UBE2J2: variants seen among roughly 807,000 people sequenced by gnomAD.
The protein encoded by UBE2J2 is ubiquitin conjugating enzyme E2 J2.
A neutral mutation model predicts 28.6 loss-of-function variants in UBE2J2; 5 were observed. The observed-to-expected ratio is 0.17, with a 90% CI of 0.09 to 0.37. The LOEUF (loss-of-function observed/expected upper bound fraction) is 0.37, where lower values mean the gene tolerates loss of function less well. Ranked by LOEUF, UBE2J2 falls within the 10% of genes least tolerant of loss-of-function variation. The pLI, the probability that UBE2J2 is intolerant of heterozygous loss-of-function variation, is 1.00. For missense variants in UBE2J2, 226 were observed against 338.9 expected, an observed-to-expected ratio of 0.67 and a Z score of 2.62; for synonymous variants, 138 against 139.7, an observed-to-expected ratio of 0.99 and a Z score of 0.09.
rs7524470 is a variant in UBE2J2 at position 1,257,135 on chromosome 1, A to G, written c.276-5T>C. 0.044 allele frequency: 70,866 copies of G among 1,609,598 alleles called. 2,815 individuals are homozygous for G. The highest frequency in any genetic ancestry group is 0.21 in the African/African-American group (15,521 of 74,670). On this transcript the variant is annotated splice_polypyrimidine_tract_variant and splice_region_variant and intron_variant, in intron 4 of 6. Coordinates refer to ENST00000349431, the MANE Select transcript of UBE2J2 (RefSeq NM_058167.3). Reference sequence around the variant, plus strand: ...TCCGTGATAGAAAGACACAGCCTGCAAAACGGGGGCCCCGTCAGTGCACAC... The same window carrying G: ...TCCGTGATAGAAAGACACAGCCTGCGAAACGGGGGCCCCGTCAGTGCACAC...
At chr1:1,262,967 C>A in intron 3 of UBE2J2, 1 of 194,784 alleles carries the variant, frequency 5.1e-6, no homozygotes, top group Non-Finnish European at 1.1e-5. Flanking sequence ...ACCCTGGGGG[C>A]GCCCAGCACA....
At chr1:1,266,528 A>C (rs1166489704) in intron 2 of UBE2J2, among the ~76,000 whole-genome samples, 2 of 151,788 alleles carry the variant, frequency 1.3e-5, no homozygotes, top group Non-Finnish European at 2.9e-5. Flanking sequence ...TCTGTCTCAA[A>C]AAAATAAATA....
chr1:1,270,506 C>T (rs1326329957), intron 1 of UBE2J2, among the ~76,000 whole-genome samples: 2 of 152,186 alleles, frequency 1.3e-5, no homozygotes, highest in Admixed American at 6.5e-5. Flanking sequence ...ACCCCCAACC[C>T]TGCTTCTTGT....
chr1:1,268,737 G>A lies in UBE2J2; in HGVS notation c.1-745C>T, dbSNP rs533556926. Among the ~76,000 whole-genome samples, 4 of 152,190 alleles carry A rather than the reference G, an allele frequency of 2.6e-5. No individual in the cohort carries two copies. The highest frequency in any genetic ancestry group is 2.1e-4 in the South Asian group (1 of 4,836). ...TCGTGAGACAGGGTCTTGCTCTGTC[G>A]CCCAGGCTGGAGTCACTGTGGCCTT... On this transcript the variant is annotated intron_variant, in intron 1 of 6. Transcript: ENST00000349431. This position sits in a 1 kb window ranked among gnomAD's most constrained non-coding sequence, Gnocchi z 4.7.
At chr1:1,267,116 T>C (rs1009224561) in intron 2 of UBE2J2, among the ~76,000 whole-genome samples, 10 of 152,050 alleles carry the variant, frequency 6.6e-5, no homozygotes, top group African/African-American at 2.4e-4. Context: ...CTCGAACTCC[T>C]GACCTCAGGT....
intron 2 of UBE2J2, among the ~76,000 whole-genome samples, chr1:1,265,603 TTG>T (rs57125925): frequency 0.069 from 8,358 of 120,800 alleles, 240 homozygotes; most frequent in African/African-American, 0.094. Flanking sequence ...TTTCTCTCCA[TTG>T]TGTGTGTGTG....
chr1:1,271,878 G>C (rs1640161270), intron 1 of UBE2J2, among the ~76,000 whole-genome samples: 1 of 150,330 alleles, frequency 6.7e-6, no homozygotes, highest in South Asian at 2.1e-4. Flanking sequence ...GGTGACTGAG[G>C]CAGGAGAATC....
chr1:1,260,789 T>C (rs956744327), intron 3 of UBE2J2, among the ~76,000 whole-genome samples: 1 of 152,270 alleles, frequency 6.6e-6, no homozygotes, highest in Non-Finnish European at 1.5e-5. Context: ...CAGACTCCAC[T>C]TCATTCTTTA....
At chr1:1,267,829 C>A (rs1203571624) in intron 2 of UBE2J2, 33 bp downstream of exon 2, 2 of 1,604,646 alleles carry the variant, frequency 1.2e-6, no homozygotes, top group South Asian at 2.2e-5. Context: ...CAGCGACAGT[C>A]AGCGCAGGGC....
intron 2 of UBE2J2, among the ~76,000 whole-genome samples, chr1:1,264,601 G>A (rs1432380772): frequency 6.6e-6 from 1 of 152,124 alleles, no homozygotes; most frequent in Non-Finnish European, 1.5e-5. Context: ...GCGAAACTCC[G>A]TCTCTACTAA....
chr1:1,256,946 C>G lies in UBE2J2; in HGVS notation c.414+46G>C, dbSNP rs760387734. ...AACTCAGGAACAGAGAACAGCCCCC[C>G]AGACACAAGGCTGACGGCCCACCAG... On this transcript the variant is annotated intron_variant, in intron 5 of 6. Transcript: ENST00000349431. 3.5e-6 allele frequency: 5 copies of G among 1,412,574 alleles called. No homozygotes were observed. In the East Asian group the frequency reaches 8.0e-5, roughly 23 times the overall value. The allele number at this position is 1,412,574 out of a possible 1,614,324, so 87.5% of individuals were successfully genotyped here.
At chr1:1,266,149 AGCACTCT>A in intron 2 of UBE2J2, 1 of 1,303,784 alleles carries the variant, frequency 7.7e-7, no homozygotes, top group Non-Finnish European at 1.0e-6. Flanking sequence ...GGGGGCAGAG[AGCACTCT>A]GGTGGCCAAG....
intron 3 of UBE2J2, among the ~76,000 whole-genome samples, chr1:1,261,277 G>A (rs1010543042): frequency 6.6e-6 from 1 of 152,240 alleles, no homozygotes; most frequent in African/African-American, 2.4e-5. Flanking sequence ...GGGAGGGGCA[G>A]TAGGAACACA....
chr1:1,273,084 T>G (rs916772923), intron 1 of UBE2J2: 4 of 152,158 alleles, frequency 2.6e-5, no homozygotes, highest in African/African-American at 9.7e-5. Context: ...CGCCAGGAGG[T>G]GACACCTGGC....
intron 6 of UBE2J2, 99 bp from the exon 7 acceptor site, chr1:1,255,586 C>T (rs1639127159): frequency 1.4e-6 from 2 of 1,400,848 alleles, no homozygotes; most frequent in East Asian, 2.3e-5. Flanking sequence ...CACCAAGAAC[C>T]AAGCCCTAGG....
At chr1:1,264,725 C>CGT in intron 2 of UBE2J2, 1 of 152,172 alleles carries the variant, frequency 6.6e-6, no homozygotes, top group Non-Finnish European at 1.5e-5. Context: ...CTGGGCAACA[C>CGT]GGTGAAACCC....
At chr1:1,267,136 G>A (rs532053337) in intron 2 of UBE2J2, among the ~76,000 whole-genome samples, 13 of 152,140 alleles carry the variant, frequency 8.5e-5, no homozygotes, top group South Asian at 2.1e-4. Flanking sequence ...TGATCCGCCC[G>A]CCTGAGCCTC....
At chr1:1,259,711 C>T (rs935637820) in intron 3 of UBE2J2, among the ~76,000 whole-genome samples, 2 of 152,084 alleles carry the variant, frequency 1.3e-5, no homozygotes, top group Admixed American at 6.5e-5. Context: ...CTGGTGACCA[C>T]CCCCCATGTC....
At chr1:1,260,402 AG>A (rs1405507575) in intron 3 of UBE2J2, among the ~76,000 whole-genome samples, 1 of 152,258 alleles carries the variant, frequency 6.6e-6, no homozygotes, top group Non-Finnish European at 1.5e-5. Flanking sequence ...TTGAGCGCAG[AG>A]GGTGCTGGGA....
Sources: allele counts gnomAD v4.1 joint callset (sites outside exome capture counted in the v4.1 genomes callset), GRCh38; gene constraint gnomAD v4.1.1; non-coding constraint Gnocchi (gnomAD v3.1); transcripts MANE v1.5; gene names NCBI Gene and HGNC (gene_info 2026-07-23, HGNC 2026-07-21).